Variants in COX20 observed in about 807,000 individuals in gnomAD.
COX20 encodes cytochrome c oxidase assembly factor COX20.
Under a neutral mutation model 14.3 loss-of-function variants are expected in COX20, and 14 were observed. That is an observed-to-expected ratio of 0.98 (90% CI 0.65 to 1.53). COX20 has a LOEUF of 1.53. Ranked by LOEUF, COX20 falls within the 40% of genes most tolerant of loss-of-function variation. COX20 has a pLI of 0.00. For synonymous variants in COX20, 56 were observed against 51.7 expected (o/e 1.08, Z -0.36); for missense variants, 149 against 142.1 (o/e 1.05, Z -0.25).
intron 3 of COX20, 157 bp from the exon 4 acceptor site, chr1:244,842,870 GGTATTCTGACACCA>G: frequency 2.1e-6 from 1 of 486,786 alleles, no homozygotes; most frequent in Non-Finnish European, 3.6e-6. Flanking sequence ...TGTGTTGATA[GGTATTCTGACACCA>G]AAACTGCCCA....
intron 1 of COX20, chr1:244,839,745 T>C (rs746319608): frequency 6.6e-6 from 1 of 152,214 alleles, no homozygotes; most frequent in Non-Finnish European, 1.5e-5. Context: ...TCCTTAGATA[T>C]GTGACAACTG....
chr1:244,840,593 G>C (rs1020747547), intron 1 of COX20: 1 of 147,598 alleles, frequency 6.8e-6, no homozygotes, highest in Non-Finnish European at 1.5e-5. Context: ...TTAGGCATGC[G>C]GGTGGGAACG....
rs370659696 is a variant in COX20 at position 244,837,861 on chromosome 1, A to C, written c.42+2105A>C. On this transcript the variant is annotated intron_variant, in intron 1 of 3. Transcript: ENST00000411948. ...AGAGTAGGATATGAAAGAGCATGGG[A>C]TCATGTAGGGCCTTTGGAGCAATGG... 3.3e-5 allele frequency among the ~76,000 whole-genome samples: 5 copies of C among 152,194 alleles called. No homozygotes were observed. In the East Asian group the frequency reaches 7.7e-4, roughly 23 times the overall value.
upstream of COX20, chr1:244,835,381 G>A (rs1338723857): frequency 3.5e-6 from 1 of 284,428 alleles, no homozygotes; most frequent in African/African-American, 2.2e-5. Flanking sequence ...GCGGGAAGCG[G>A]GGCTGTCTGG....
chr1:244,835,560 G>T, upstream of COX20: 1 of 463,250 alleles, frequency 2.2e-6, no homozygotes, highest in Non-Finnish European at 3.5e-6. Flanking sequence ...CCACTGCGGA[G>T]CGTTAGGAAC....
rs1680287788 is a variant in COX20, at chr1:244,843,233, T to C, written c.*57T>C. ...AAGTTAAGATCAACCACATAAAACA[T>C]TTCATGTGCAATAAGCTCTCAATCA... On this transcript the variant is annotated 3_prime_UTR_variant, in exon 4 of 4. Transcript: ENST00000411948. 4.1e-6 allele frequency: 6 copies of C among 1,476,582 alleles called. No homozygotes were observed. In the South Asian group the frequency reaches 5.0e-5, roughly 12 times the overall value. 91.5% of individuals were successfully genotyped at this position (1,476,582 alleles called of 1,614,324 possible).
At chr1:244,842,294 A>G in intron 3 of COX20, 36 bp downstream of exon 3, 2 of 1,387,466 alleles carry the variant, frequency 1.4e-6, no homozygotes, top group Non-Finnish European at 2.1e-6. Context: ...ATCCATGATT[A>G]TAGTAGGTTA....
chr1:244,842,921 T>C, intron 3 of COX20, 120 bp from the exon 4 acceptor site: 1 of 728,192 alleles, frequency 1.4e-6, no homozygotes, highest in Non-Finnish European at 2.1e-6. Flanking sequence ...TTAGAACATA[T>C]TTTTCAGTCT....
intron 1 of COX20, among the ~76,000 whole-genome samples, chr1:244,839,402 T>C (rs1290987759): frequency 6.6e-6 from 1 of 151,672 alleles, no homozygotes; most frequent in Non-Finnish European, 1.5e-5. Flanking sequence ...GTAAAGCTGC[T>C]TTTCTAAATC....
rs1017730117 is a variant in COX20, at chr1:244,843,967, G to C, written c.*791G>C. The C allele has an allele frequency of 3.3e-5, 5 of 152,056 alleles. No individual in the cohort carries two copies. Among genetic ancestry groups the C allele is most frequent in the African/African-American group, 1.2e-4 (5 of 41,410 alleles). The allele number at this position is 152,056 out of a possible 1,614,324, so 9.4% of individuals were successfully genotyped here. Reference sequence around the variant, plus strand: ...CTCCGGGAGAAATTATCCCTTTCTAGGAAAATGAAGTTATTTCTGGTTTTA... The same window carrying C: ...CTCCGGGAGAAATTATCCCTTTCTACGAAAATGAAGTTATTTCTGGTTTTA... On this transcript the variant is annotated 3_prime_UTR_variant, in exon 4 of 4. Transcript: ENST00000411948.
rs923502888 is a variant in COX20, at chr1:244,843,117, T to C, written c.298T>C (p.Leu100=). ...IAREEIKKKI[L]YEGTHLDPER... ...CAGAGAAGAAATTAAAAAGAAGATA[T>C]TATATGAAGGTACCCACCTCGATCC... is the stretch of plus-strand genomic sequence containing the variant. The change falls in exon 4 of 4, where the codon TTA becomes CTA. Residue 100 remains leucine, a synonymous_variant. Transcript: ENST00000411948. 4 of 1,600,590 alleles carry C rather than the reference T, an allele frequency of 2.5e-6. No individual in the cohort carries two copies. Among genetic ancestry groups the C allele is most frequent in the East Asian group, 2.3e-5 (1 of 44,156 alleles).
At chr1:244,842,146 GTA>G in intron 2 of COX20, 47 bp from the exon 3 acceptor site, 1 of 1,459,630 alleles carries the variant, frequency 6.9e-7, no homozygotes, top group Non-Finnish European at 9.6e-7. Context: ...GTGGAGTAAT[GTA>G]TATAACGTAA....
intron 1 of COX20, chr1:244,836,492 G>C (rs1265795827): frequency 6.4e-7 from 1 of 1,550,528 alleles, no homozygotes; most frequent in Non-Finnish European, 8.7e-7. Context: ...CAGGCATCTT[G>C]TACGTCGTTA....
intron 1 of COX20, among the ~76,000 whole-genome samples, chr1:244,838,802 T>C (rs1307325616): frequency 6.6e-6 from 1 of 152,052 alleles, no homozygotes; most frequent in East Asian, 1.9e-4. Flanking sequence ...TTTGGGTTTT[T>C]TTTTTGAGAT....
Position 244,842,059 on chromosome 1 carries a change from G to A in COX20, c.157+1G>A, listed in dbSNP as rs749171144. ...GGCTTTGGACATTTTTTGTTCACTA[G>A]TGAGTATCTGTATTTTTTATTTCTC... On this transcript the variant is annotated splice_donor_variant, in intron 2 of 3. Coordinates refer to ENST00000411948, the MANE Select transcript of COX20 (RefSeq NM_198076.6). LOFTEE classifies it high-confidence loss of function. 44 of 1,585,896 alleles carry A rather than the reference G, an allele frequency of 2.8e-5. No homozygotes were observed. The South Asian group carries it at 4.3e-4, about 16-fold the overall frequency.
chr1:244,835,379 C>T (rs1679925569), upstream of COX20: 2 of 276,688 alleles, frequency 7.2e-6, no homozygotes, highest in Non-Finnish European at 1.3e-5. Flanking sequence ...GCGCGGGAAG[C>T]GGGGCTGTCT....
At chr1:244,840,131 A>G (rs1413726678) in intron 1 of COX20, 4 of 152,134 alleles carry the variant, frequency 2.6e-5, no homozygotes, top group East Asian at 1.9e-4. Context: ...CTATTTTCCT[A>G]TTGTTTGCAA....
At chr1:244,839,978 C>T (rs1680129925) in intron 1 of COX20, 1 of 152,072 alleles carries the variant, frequency 6.6e-6, no homozygotes, top group Non-Finnish European at 1.5e-5. Context: ...ACCTACCTCC[C>T]CCACCAGCAG....
intron 3 of COX20, chr1:244,842,514 C>A: frequency 2.2e-6 from 1 of 450,548 alleles, no homozygotes; most frequent in Non-Finnish European, 4.0e-6. Flanking sequence ...TACCCTAATA[C>A]TTATTTCATC....
Sources: allele counts gnomAD v4.1 joint callset (sites outside exome capture counted in the v4.1 genomes callset), GRCh38; gene constraint gnomAD v4.1.1; transcripts MANE v1.5; gene names NCBI Gene and HGNC (gene_info 2026-07-23, HGNC 2026-07-21).